Variants in MTUS2 observed in about 807,000 individuals in gnomAD.
The protein encoded by MTUS2 is microtubule-associated tumor suppressor candidate 2.
A neutral mutation model predicts 114.1 loss-of-function variants in MTUS2; 40 were observed. The ratio of observed to expected loss-of-function variants is 0.35; its 90% CI spans 0.27 to 0.46. The LOEUF (loss-of-function observed/expected upper bound fraction) is 0.46, where lower values mean the gene tolerates loss of function less well. Ranked by LOEUF, MTUS2 falls within the 20% of genes least tolerant of loss-of-function variation. The pLI is 1.00. For missense variants in MTUS2, 1,679 were observed against 1,705.4 expected, an observed-to-expected ratio of 0.98 and a Z score of 0.27; for synonymous variants, 688 against 672.0, an observed-to-expected ratio of 1.02 and a Z score of -0.37.
chr13:28,825,849 A>G (rs777667433), intron 1 of MTUS2, among the ~76,000 whole-genome samples: 4 of 152,202 alleles, frequency 2.6e-5, no homozygotes, highest in Non-Finnish European at 5.9e-5. Context: ...GGAGCATCAC[A>G]GCAGCTTGAG....
At chr13:29,181,431 C>T (rs1894000202) in intron 5 of MTUS2, among the ~76,000 whole-genome samples, 1 of 152,170 alleles carries the variant, frequency 6.6e-6, no homozygotes, top group Non-Finnish European at 1.5e-5. Flanking sequence ...CACTGGACAC[C>T]AGCCTGGGTG....
At chr13:28,948,587 C>T (rs920213812) in intron 2 of MTUS2, among the ~76,000 whole-genome samples, 2 of 152,170 alleles carry the variant, frequency 1.3e-5, no homozygotes, top group African/African-American at 4.8e-5. Context: ...CCCCCTTATT[C>T]CAATATAGGT....
chr13:28,978,009 A>G (rs1259307208), intron 2 of MTUS2, among the ~76,000 whole-genome samples: 1 of 152,342 alleles, frequency 6.6e-6, no homozygotes, highest in East Asian at 1.9e-4. Flanking sequence ...AAAGATAGAA[A>G]AATGACTTAT....
chr13:29,482,589 T>C (rs990724558), intron 10 of MTUS2, among the ~76,000 whole-genome samples: 2 of 152,228 alleles, frequency 1.3e-5, no homozygotes, highest in East Asian at 3.8e-4. Context: ...CAAAGCACCA[T>C]GACAGGATAC....
chr13:28,925,608 G>A (rs527302448), intron 2 of MTUS2, among the ~76,000 whole-genome samples: 2 of 152,118 alleles, frequency 1.3e-5, no homozygotes, highest in African/African-American at 4.8e-5. Flanking sequence ...CTACCTCATG[G>A]TTAAGGACCC....
chr13:28,942,965 C>T (rs974354837), intron 2 of MTUS2, among the ~76,000 whole-genome samples: 5 of 151,952 alleles, frequency 3.3e-5, no homozygotes, highest in Admixed American at 6.6e-5. Flanking sequence ...ATTTATGAAA[C>T]GATATATTAA....
intron 6 of MTUS2, among the ~76,000 whole-genome samples, chr13:29,312,852 T>C (rs1899830195): frequency 6.6e-6 from 1 of 152,162 alleles, no homozygotes; most frequent in Non-Finnish European, 1.5e-5. Flanking sequence ...TTCTCATTGA[T>C]CATTTACAAC....
At chr13:28,915,290 CCTTT>C (rs1186036577) in intron 2 of MTUS2, among the ~76,000 whole-genome samples, 2 of 151,830 alleles carry the variant, frequency 1.3e-5, no homozygotes, top group Admixed American at 1.3e-4. Context: ...ATACTGCTTT[CCTTT>C]GTTTTGAATA....
At chr13:29,375,556 TACG>T (rs1566163264) in intron 8 of MTUS2, among the ~76,000 whole-genome samples, 9 of 12,732 alleles carry the variant, frequency 7.1e-4, no homozygotes, top group Non-Finnish European at 4.7e-3. Context: ...TATATATATA[TACG>T]TATATATATA....
At chr13:29,203,699 G>A (rs141543249) in intron 5 of MTUS2, among the ~76,000 whole-genome samples, 9 of 152,254 alleles carry the variant, frequency 5.9e-5, no homozygotes, top group African/African-American at 2.2e-4. Flanking sequence ...GAAGACCATG[G>A]GAAAAGCATA....
intron 2 of MTUS2, among the ~76,000 whole-genome samples, chr13:29,004,772 G>T (rs919742237): frequency 6.6e-6 from 1 of 152,208 alleles, no homozygotes; most frequent in Non-Finnish European, 1.5e-5. Flanking sequence ...CCTTTGCTGG[G>T]TGTTATGAAG....
chr13:29,306,888 C>T, intron 6 of MTUS2: 1 of 510,000 alleles, frequency 2.0e-6, no homozygotes, highest in East Asian at 4.9e-5. Context: ...GTGACCCCTT[C>T]ATTGACCTCA....
chr13:29,060,708 T>C (rs1426534255), intron 4 of MTUS2, among the ~76,000 whole-genome samples: 2 of 151,950 alleles, frequency 1.3e-5, no homozygotes, highest in Non-Finnish European at 2.9e-5. Flanking sequence ...ATTATCAGTA[T>C]GGTTTTAATA....
chr13:29,409,946 G>T (rs1428354401), intron 8 of MTUS2, among the ~76,000 whole-genome samples: 1 of 152,036 alleles, frequency 6.6e-6, no homozygotes, highest in African/African-American at 2.4e-5. Flanking sequence ...TATTGTTAAA[G>T]ATATATCCTC....
intron 6 of MTUS2, among the ~76,000 whole-genome samples, chr13:29,323,970 C>T (rs138510273): frequency 9.2e-5 from 14 of 152,246 alleles, no homozygotes; most frequent in African/African-American, 2.6e-4. Flanking sequence ...GCACTGTGCC[C>T]GGCACACAAA....
At chr13:29,443,308 T>G (rs1387025904) in intron 9 of MTUS2, among the ~76,000 whole-genome samples, 9 of 152,338 alleles carry the variant, frequency 5.9e-5, no homozygotes, top group African/African-American at 2.2e-4. Flanking sequence ...TGGGCAAGCT[T>G]TGGCTCTGGG....
chr13:29,250,020 CAAATG>C (rs1313409212), intron 5 of MTUS2, among the ~76,000 whole-genome samples: 3 of 151,992 alleles, frequency 2.0e-5, no homozygotes, highest in African/African-American at 7.3e-5. Flanking sequence ...CTAAAATCGA[CAAATG>C]AGATGTAATT....
intron 2 of MTUS2, among the ~76,000 whole-genome samples, chr13:28,875,679 A>G (rs1437889512): frequency 1.3e-5 from 2 of 152,214 alleles, no homozygotes; most frequent in African/African-American, 2.4e-5. Flanking sequence ...GGTGTTTCTC[A>G]AGAATATTGA....
chr13:29,255,328 A>G (rs1876603758), intron 5 of MTUS2, among the ~76,000 whole-genome samples: 1 of 152,182 alleles, frequency 6.6e-6, no homozygotes, highest in African/African-American at 2.4e-5. Flanking sequence ...CCTCTGTTAG[A>G]TGAGTTTCCA....
Sources: allele counts gnomAD v4.1 joint callset (sites outside exome capture counted in the v4.1 genomes callset), GRCh38; gene constraint gnomAD v4.1.1; transcripts MANE v1.5; gene names NCBI Gene and HGNC (gene_info 2026-07-23, HGNC 2026-07-21).